Variants in GFI1 observed in about 807,000 individuals in gnomAD.
GFI1 encodes the protein growth factor independent 1 transcriptional repressor.
In GFI1, 15 loss-of-function variants were observed where a neutral mutation model predicts 39.2. That is an observed-to-expected ratio of 0.38 (90% CI 0.26 to 0.59). The LOEUF (loss-of-function observed/expected upper bound fraction) is 0.59, where lower values mean the gene tolerates loss of function less well. Ranked by LOEUF, GFI1 falls within the 20% of genes least tolerant of loss-of-function variation. The pLI is 0.62. For missense variants in GFI1, 475 were observed against 574.0 expected (o/e 0.83, Z 1.76); for synonymous variants, 239 against 254.3 (o/e 0.94, Z 0.57).
At position 92,480,718 on chromosome 1, in the gene GFI1, G is replaced by C. The variant is rs747582787; in HGVS notation, c.669C>G (p.Pro223=). The C allele has an allele frequency of 6.9e-6, 11 of 1,596,476 alleles. No homozygotes were observed. The highest frequency in any genetic ancestry group is 1.1e-5 in the South Asian group (1 of 89,664). ...RPTAAAGLLY[P]ERGHGLHADK... Reference sequence around the variant, plus strand: ...CTGCGTGCAGCCCGTGGCCACGCTCGGGGTACAGCAAGCCCGCCGCTGCCG... The same window carrying C: ...CTGCGTGCAGCCCGTGGCCACGCTCCGGGTACAGCAAGCCCGCCGCTGCCG... Residue 223 remains proline (P), a synonymous_variant, in exon 4 of 7, where the codon CCC becomes CCG. Transcript: ENST00000294702. This position sits in a 1 kb window ranked among gnomAD's most constrained non-coding sequence, Gnocchi z 5.6.
chr1:92,486,532 A>G (rs868613089), intron 1 of GFI1, among the ~76,000 whole-genome samples, 194 bp downstream of exon 1: 34 of 10,034 alleles, frequency 3.4e-3, no homozygotes, highest in Non-Finnish European at 7.1e-4. Flanking sequence ...CGCCCCCCCC[A>G]CCCCCGACCC....
chr1:92,480,605 C>CTGCACTTGA lies in GFI1; in HGVS notation c.773_781dup (p.Ile258_Cys260dup). ...TGGTGAGCTCGGGAGCCTCACCTTG[C>CTGCACTTGA]TGCACTTGATGCACTTGTAGGAGCC... On this transcript the variant is annotated inframe_insertion, in exon 4 of 7. Coordinates refer to ENST00000294702, the MANE Select transcript of GFI1 (RefSeq NM_005263.5). The surrounding 1 kb of genome is among the most constrained non-coding windows in gnomAD (Gnocchi z 5.6). 1 of 1,555,562 alleles carries CTGCACTTGA rather than the reference C, an allele frequency of 6.4e-7. No homozygotes were observed. Among genetic ancestry groups the CTGCACTTGA allele is most frequent in the South Asian group, 1.2e-5 (1 of 85,292 alleles).
chr1:92,477,095 G>A (rs1658014101), intron 6 of GFI1, among the ~76,000 whole-genome samples: 1 of 152,166 alleles, frequency 6.6e-6, no homozygotes. Flanking sequence ...AATAGATGAA[G>A]TTTGTTTTTG....
rs1447592102 is a variant in GFI1 at position 92,482,927 on chromosome 1, C to G, written c.235G>C (p.Val79Leu). The stretch of plus-strand genomic sequence containing the variant: ...TCAAACTCCGAGCTCCGTTCGCAGA[C>G]GCTGCCTTCGCAGCTGTCTGGGGAT... ...SASPDSCEGS[V>L]CERSSEFEDF... The change falls in exon 3 of 7, where the codon GTC (valine) becomes CTC (leucine). Residue 79 changes from valine (V) to leucine (L), a missense_variant. By Grantham distance (32) the Val-to-Leu change is conservative. Transcript: ENST00000294702. The surrounding 1 kb of genome is among the most constrained non-coding windows in gnomAD (Gnocchi z 4.4). The G allele has an allele frequency of 1.9e-6, 3 of 1,613,966 alleles. No individual in the cohort carries two copies. The highest frequency in any genetic ancestry group is 2.5e-6 in the Non-Finnish European group (3 of 1,180,002).
Position 92,478,997 on chromosome 1 carries a change from C to A in GFI1, c.925-244G>T, listed in dbSNP as rs1255729306. 2.6e-5 allele frequency among the ~76,000 whole-genome samples: 4 copies of A among 152,178 alleles called. 1 individual carries two copies. Among genetic ancestry groups the A allele is most frequent in the Admixed American group, 2.6e-4 (4 of 15,278 alleles). ...TCTCGTGTCTCAGCCTCCCAAGTAG[C>A]AGGGACTACAGGCACACGCCATCAC... On this transcript the variant is annotated intron_variant, in intron 5 of 6. Coordinates refer to ENST00000294702, the MANE Select transcript of GFI1 (RefSeq NM_005263.5).
rs982399913 is a variant in GFI1, at chr1:92,480,997, A to G, written c.390T>C (p.Ser130=). The G allele has an allele frequency of 7.5e-6, 12 of 1,609,268 alleles. No individual in the cohort carries two copies. The highest frequency in any genetic ancestry group is 2.2e-5 in the East Asian group (1 of 44,734). Residue 130 remains serine (S), a synonymous_variant, in exon 4 of 7, where the codon TCT becomes TCC. Transcript: ENST00000294702. The surrounding 1 kb of genome is among the most constrained non-coding windows in gnomAD (Gnocchi z 5.6). ...KPYSWSGLAG[S]DLRHLVQSYR... ...AGCTCTGCACCAGGTGCCGCAGGTC[A>G]GAACCCGCCAGGCCGCTCCATGAGT...
chr1:92,483,156 AC>A, intron 2 of GFI1, 110 bp from the exon 3 acceptor site: 1 of 1,047,010 alleles, frequency 9.6e-7, no homozygotes, highest in Non-Finnish European at 1.4e-6. Context: ...TCCCCTCTCC[AC>A]CCAGACCCCG....
chr1:92,483,659 GA>G, intron 1 of GFI1, 73 bp from the exon 2 acceptor site: 2 of 669,802 alleles, frequency 3.0e-6, no homozygotes, highest in Admixed American at 4.1e-5. Flanking sequence ...CACCCAGGCG[GA>G]GGGAGAGCGC....
In GFI1 at chr1:92,480,661, C is replaced by T. The variant is rs1658187091; in HGVS notation, c.726G>A (p.Glu242=). ...DKGAGVKVES[E]LLCTRLLLGG... is the part of the protein sequence containing the mutation. ...CCAGCAGCAGGCGGGTGCACAGCAG[C>T]TCCGACTCCACCTTGACGCCAGCGC... The change falls in exon 4 of 7, where the codon GAG becomes GAA. Residue 242 remains glutamate (E), a synonymous_variant. Transcript: ENST00000294702. This position sits in a 1 kb window ranked among gnomAD's most constrained non-coding sequence, Gnocchi z 5.6. The T allele has an allele frequency of 6.3e-7, 1 of 1,595,236 alleles. No homozygotes were observed. Among genetic ancestry groups the T allele is most frequent in the East Asian group, 2.2e-5 (1 of 44,738 alleles).
At chr1:92,483,152 C>G (rs1258794148) in intron 2 of GFI1, 106 bp from the exon 3 acceptor site, 1 of 1,089,880 alleles carries the variant, frequency 9.2e-7, no homozygotes, top group East Asian at 2.6e-5. Flanking sequence ...GTCTTCCCCT[C>G]TCCACCCAGA....
chr1:92,485,382 G>C (rs1232784177), intron 1 of GFI1, among the ~76,000 whole-genome samples: 1 of 152,234 alleles, frequency 6.6e-6, no homozygotes, highest in Non-Finnish European at 1.5e-5. Context: ...TTGGACCCAC[G>C]TTGGCTGGGA....
In GFI1 at chr1:92,475,190, C is replaced by G. The variant is rs1657898142; in HGVS notation, c.*839G>C. Reference sequence around the variant, plus strand: ...CAGTCAGGGGTTGTGACTTCAGTCTCTCTTCCCCAATACCTAGCATGGTGC... The same window carrying G: ...CAGTCAGGGGTTGTGACTTCAGTCTGTCTTCCCCAATACCTAGCATGGTGC... On this transcript the variant is annotated 3_prime_UTR_variant, in exon 7 of 7. Transcript: ENST00000294702. 1 of 152,234 alleles carries G rather than the reference C, an allele frequency of 6.6e-6. No homozygotes were observed. Among genetic ancestry groups the G allele is most frequent in the Non-Finnish European group, 1.5e-5 (1 of 68,062 alleles). 9.4% of individuals were successfully genotyped at this position (152,234 alleles called of 1,614,324 possible).
chr1:92,478,815 C>A, intron 5 of GFI1, 62 bp from the exon 6 acceptor site: 1 of 1,583,296 alleles, frequency 6.3e-7, no homozygotes, highest in Non-Finnish European at 8.6e-7. Flanking sequence ...CTACTGCAGT[C>A]AACTAGACTG....
At chr1:92,486,662 G>C (rs1658541559) in intron 1 of GFI1, 64 bp downstream of exon 1, 1 of 68 alleles carries the variant, frequency 0.015, no homozygotes, top group Admixed American at 0.25. Context: ...CTGCCCCGCA[G>C]GCCCCGAAAT....
chr1:92,474,515 A>G lies in GFI1; in HGVS notation c.*1514T>C, dbSNP rs1024617864. On this transcript the variant is annotated 3_prime_UTR_variant, in exon 7 of 7. Transcript: ENST00000294702. ...GGAACCATCAGGGGCTCTACAAGGT[A>G]GTAGCTTAGTTTTGTACACCTCCTA... is the stretch of plus-strand genomic sequence containing the variant. 6.6e-6 allele frequency among the ~76,000 whole-genome samples: 1 copy of G among 152,244 alleles called. No homozygotes were observed. Among genetic ancestry groups the G allele is most frequent in the African/African-American group, 2.4e-5 (1 of 41,460 alleles).
In GFI1 at chr1:92,484,909, G is replaced by C. The variant is rs932552922; in HGVS notation, c.-99-1323C>G. Among the ~76,000 whole-genome samples the C allele has an allele frequency of 2.6e-5, 4 of 152,252 alleles. No individual in the cohort carries two copies. The highest frequency in any genetic ancestry group is 9.6e-5 in the African/African-American group (4 of 41,470). ...ACTCTGGGCCGGGGCAGGACCTGCA[G>C]TCCTCCGGCTTCGCGCTGTTTCCAC... On this transcript the variant is annotated intron_variant, in intron 1 of 6. Transcript: ENST00000294702. The surrounding 1 kb of genome is among the most constrained non-coding windows in gnomAD (Gnocchi z 4.1).
At chr1:92,486,077 G>A (rs1207819657) in intron 1 of GFI1, 1 of 152,086 alleles carries the variant, frequency 6.6e-6, no homozygotes, top group Non-Finnish European at 1.5e-5. Context: ...GCTTTCGGGA[G>A]AGACCGCTCT....
chr1:92,486,277 C>G (rs1658523543), intron 1 of GFI1, among the ~76,000 whole-genome samples: 1 of 152,172 alleles, frequency 6.6e-6, no homozygotes, highest in African/African-American at 2.4e-5. Context: ...CTTTCCAGCC[C>G]GTCCCGCGCG....
chr1:92,482,864 C>T lies in GFI1; in HGVS notation c.298G>A (p.Ala100Thr). Reference sequence around the variant, plus strand: ...CAAGAGGTTCCCAGTGGGTTCCTACCTGGAGACGCGGAGGGTGACGGGGGC... The same window carrying T: ...CAAGAGGTTCCCAGTGGGTTCCTACTTGGAGACGCGGAGGGTGACGGGGGC... ...WRPPSPSASP[A>T]SEKSMCPSLD... is the part of the protein sequence containing the mutation. Residue 100 changes from alanine to threonine, a missense_variant and splice_region_variant, in exon 3 of 7, where the codon GCC (alanine) becomes ACC (threonine). Around this residue, in one of 4 missense-constraint regions of GFI1, gnomAD observed 275 missense variants for 275.8 expected, o/e 1.00. Transcript: ENST00000294702. This position sits in a 1 kb window ranked among gnomAD's most constrained non-coding sequence, Gnocchi z 4.4. The T allele has an allele frequency of 6.2e-7, 1 of 1,613,664 alleles. No individual in the cohort carries two copies. Among genetic ancestry groups the T allele is most frequent in the Non-Finnish European group, 8.5e-7 (1 of 1,179,620 alleles).
Sources: gnomAD v4.1 joint callset for allele counts (sites outside exome capture counted in the v4.1 genomes callset) on GRCh38, gnomAD v4.1.1 for gene constraint, gnomAD v4.1.1 regional missense constraint, Gnocchi (gnomAD v3.1) non-coding constraint, MANE v1.5 for transcripts, NCBI Gene and HGNC (gene_info 2026-07-23, HGNC 2026-07-21) for gene names.